PTPRD: variants seen among roughly 807,000 people sequenced by gnomAD.
PTPRD encodes the protein protein tyrosine phosphatase receptor type D.
In PTPRD, 34 loss-of-function variants were observed where a neutral mutation model predicts 214.5. The ratio of observed to expected loss-of-function variants is 0.16; its 90% CI spans 0.12 to 0.21. The LOEUF is 0.21. Ranked by LOEUF, PTPRD falls within the 10% of genes least tolerant of loss-of-function variation. The pLI is 1.00. For synonymous variants in PTPRD, 1,128 were observed against 845.7 expected, an observed-to-expected ratio of 1.33 and a Z score of -5.79; for missense variants, 2,545 against 2,398.7, an observed-to-expected ratio of 1.06 and a Z score of -1.27.
chr9:9,843,306 C>T (rs1396688274), intron 5 of PTPRD, among the ~76,000 whole-genome samples: 1 of 151,916 alleles, frequency 6.6e-6, no homozygotes, highest in Non-Finnish European at 1.5e-5. Flanking sequence ...AGTTGTTACA[C>T]CTTGAAATTT....
chr9:8,897,366 G>C (rs1244809028), intron 11 of PTPRD, among the ~76,000 whole-genome samples: 1 of 152,092 alleles, frequency 6.6e-6, no homozygotes, highest in South Asian at 2.1e-4. Context: ...AGCTGGGCTG[G>C]AATTTAGATA....
intron 11 of PTPRD, among the ~76,000 whole-genome samples, chr9:8,935,779 T>A (rs2098992851): frequency 6.6e-6 from 1 of 152,218 alleles, no homozygotes; most frequent in African/African-American, 2.4e-5. Flanking sequence ...AGGATAGTGA[T>A]TCTTACTATG....
chr9:9,766,395 G>A (rs568801272), intron 6 of PTPRD, among the ~76,000 whole-genome samples: 102 of 152,028 alleles, frequency 6.7e-4, no homozygotes, highest in African/African-American at 2.4e-3. Flanking sequence ...AATTCTAAAT[G>A]TATTTCTCTA....
chr9:10,094,115 A>G (rs1338313469), intron 3 of PTPRD, among the ~76,000 whole-genome samples: 1 of 151,426 alleles, frequency 6.6e-6, no homozygotes, highest in Non-Finnish European at 1.5e-5. Context: ...AATAAAATAA[A>G]ATATATGTTT....
chr9:10,117,156 C>G (rs189863353), intron 3 of PTPRD, among the ~76,000 whole-genome samples: 1 of 151,920 alleles, frequency 6.6e-6, no homozygotes, highest in Admixed American at 6.6e-5. Flanking sequence ...TTTAGGTGAT[C>G]GATAAACATT....
intron 3 of PTPRD, among the ~76,000 whole-genome samples, chr9:10,178,543 G>A (rs539711995): frequency 5.3e-5 from 8 of 151,874 alleles, no homozygotes; most frequent in East Asian, 3.9e-4. Context: ...GAGGAAATAC[G>A]GATTTCAACA....
chr9:8,860,667 G>T (rs1396338684), intron 11 of PTPRD: 1 of 152,178 alleles, frequency 6.6e-6, no homozygotes, highest in Admixed American at 6.5e-5. Flanking sequence ...ACAAAAGAGT[G>T]TCCTAATGCT....
chr9:8,526,043 G>A (rs915490137), intron 17 of PTPRD, among the ~76,000 whole-genome samples: 5 of 152,006 alleles, frequency 3.3e-5, no homozygotes, highest in Admixed American at 6.6e-5. Flanking sequence ...AGGTGGAAAG[G>A]GGAGTCATTC....
chr9:10,266,584 C>T (rs2094074949), intron 3 of PTPRD, among the ~76,000 whole-genome samples: 1 of 152,088 alleles, frequency 6.6e-6, no homozygotes, highest in Non-Finnish European at 1.5e-5. Flanking sequence ...TAAAATTGCA[C>T]TGATAACATC....
intron 4 of PTPRD, among the ~76,000 whole-genome samples, chr9:9,998,115 TAAAA>T (rs1158744931): frequency 0.01 from 1,072 of 105,822 alleles, 94 homozygotes; most frequent in African/African-American, 0.04. Flanking sequence ...TAAAGTATAA[TAAAA>T]AAAAAAAAAA....
chr9:9,701,654 A>T (rs2097504703), intron 7 of PTPRD, among the ~76,000 whole-genome samples: 1 of 152,232 alleles, frequency 6.6e-6, no homozygotes, highest in Admixed American at 6.5e-5. Context: ...GAAAATAGAC[A>T]GTACTTAGAA....
intron 3 of PTPRD, among the ~76,000 whole-genome samples, chr9:10,146,847 C>A (rs749098320): frequency 3.3e-5 from 5 of 152,072 alleles, no homozygotes; most frequent in Non-Finnish European, 7.3e-5. Context: ...CATCTTGGAG[C>A]AATACCTTGA....
At chr9:10,026,301 T>C (rs1234550961) in intron 4 of PTPRD, among the ~76,000 whole-genome samples, 1 of 152,186 alleles carries the variant, frequency 6.6e-6, no homozygotes, top group Non-Finnish European at 1.5e-5. Flanking sequence ...ACTCCATCTT[T>C]CTTAGACTAC....
At chr9:9,737,719 C>A (rs1254634509) in intron 6 of PTPRD, among the ~76,000 whole-genome samples, 2 of 152,162 alleles carry the variant, frequency 1.3e-5, no homozygotes, top group Admixed American at 1.3e-4. Flanking sequence ...GGATATACCA[C>A]ATATTGTTTA....
intron 2 of PTPRD, among the ~76,000 whole-genome samples, chr9:10,386,201 C>T (rs915740491): frequency 1.3e-5 from 2 of 151,820 alleles, no homozygotes; most frequent in African/African-American, 4.8e-5. Context: ...ATATTTCTGA[C>T]TTATGGCAGG....
At chr9:8,807,508 TGAG>T (rs917480257) in intron 11 of PTPRD, among the ~76,000 whole-genome samples, 32 of 151,816 alleles carry the variant, frequency 2.1e-4, no homozygotes, top group Admixed American at 2.0e-3. Context: ...CAACTACACA[TGAG>T]GAGAGAATTA....
intron 9 of PTPRD, among the ~76,000 whole-genome samples, chr9:9,390,867 G>C (rs1423534872): frequency 1.3e-5 from 2 of 152,126 alleles, no homozygotes; most frequent in Non-Finnish European, 2.9e-5. Flanking sequence ...TTACATGCTG[G>C]TTGTGAGGGG....
At chr9:9,398,263 T>G (rs992526878) in intron 8 of PTPRD, among the ~76,000 whole-genome samples, 9 of 152,018 alleles carry the variant, frequency 5.9e-5, no homozygotes, top group African/African-American at 1.9e-4. Context: ...TTATTCTCTT[T>G]CTAGATGTTC....
At chr9:10,316,681 G>T (rs1299414302) in intron 3 of PTPRD, among the ~76,000 whole-genome samples, 3 of 151,756 alleles carry the variant, frequency 2.0e-5, no homozygotes, top group Non-Finnish European at 2.9e-5. Flanking sequence ...TACCTTTTCT[G>T]ACATATCCAT....
Sources: gnomAD v4.1 joint callset for allele counts (sites outside exome capture counted in the v4.1 genomes callset) on GRCh38, gnomAD v4.1.1 for gene constraint, MANE v1.5 for transcripts, NCBI Gene and HGNC (gene_info 2026-07-23, HGNC 2026-07-21) for gene names.